The following HEATR5B variants were observed in gnomAD, a reference collection of about 807,000 sequenced individuals.
HEATR5B encodes HEAT repeat containing 5B.
A neutral mutation model predicts 224.1 loss-of-function variants in HEATR5B; 156 were observed. The observed-to-expected ratio is 0.70, with a 90% confidence interval of 0.61 to 0.80. The LOEUF (loss-of-function observed/expected upper bound fraction) is 0.80. Ranked by LOEUF, HEATR5B falls within the 30% of genes least tolerant of loss-of-function variation. HEATR5B has a pLI of 0.00. For missense variants in HEATR5B, 2,323 were observed against 2,535.5 expected (o/e 0.92, Z 1.80); for synonymous variants, 1,027 against 893.0 (o/e 1.15, Z -2.68).
intron 24 of HEATR5B, among the ~76,000 whole-genome samples, chr2:37,021,668 G>T (rs1361448202): frequency 6.6e-6 from 1 of 152,036 alleles, no homozygotes; most frequent in African/African-American, 2.4e-5. Flanking sequence ...TGGGTGGATA[G>T]CTTGAGCTCA....
At chr2:37,009,212 C>T (rs541638737) in intron 27 of HEATR5B, among the ~76,000 whole-genome samples, 6 of 139,368 alleles carry the variant, frequency 4.3e-5, no homozygotes, top group African/African-American at 1.1e-4. Context: ...GAGCCGAGAT[C>T]GCGCTGCTGC....
rs372334171 is a variant in HEATR5B at position 37,049,882 on chromosome 2, A to G, written c.2506-39T>C. ...AAAAAAAAAAAAAAGACAGCAATTC[A>G]TAATTCATTATTATTATTTTTTTTT... On this transcript the variant is annotated intron_variant, in intron 17 of 35. Transcript: ENST00000233099. 36 of 1,437,912 alleles carry G rather than the reference A, an allele frequency of 2.5e-5. No individual in the cohort carries two copies. In the African/African-American group the frequency reaches 4.3e-4, roughly 17 times the overall value. The allele number at this position is 1,437,912 out of a possible 1,614,324, so 89.1% of individuals were successfully genotyped here. A position where few individuals can be genotyped will look rare whatever the true frequency, so the allele number is the denominator to read the frequency against.
intron 21 of HEATR5B, among the ~76,000 whole-genome samples, chr2:37,033,881 G>A (rs1057016029): frequency 6.6e-6 from 1 of 152,100 alleles, no homozygotes; most frequent in Non-Finnish European, 1.5e-5. Context: ...ACAAATGTAA[G>A]CTATTATAAT....
chr2:37,013,988 G>C lies in HEATR5B; in HGVS notation c.4137C>G (p.Val1379=), dbSNP rs766317414. The change falls in exon 27 of 36, where the codon GTC becomes GTG. Residue 1379 remains valine (V), a synonymous_variant. Coordinates refer to ENST00000233099, the MANE Select transcript of HEATR5B (RefSeq NM_019024.3). ...CTCGACGGAGATCATTGAGATCACT[G>C]ACAACTCCACTTCCTATCCATGTAC... ...VCSTWIGSGV[V]SDLNDLRRVH... 1.6e-5 allele frequency: 26 copies of C among 1,605,958 alleles called. No homozygotes were observed. The South Asian group carries it at 2.7e-4, about 17-fold the overall frequency.
At chr2:37,017,514 G>A (rs529356197) in intron 26 of HEATR5B, among the ~76,000 whole-genome samples, 12 of 150,736 alleles carry the variant, frequency 8.0e-5, no homozygotes, top group African/African-American at 2.4e-4. Flanking sequence ...ATGCAACCCC[G>A]TCTCTACTAA....
Position 37,034,612 on chromosome 2 carries a change from C to CAAAAA in HEATR5B, c.3217-1844_3217-1840dup, listed in dbSNP as rs772823865. Among the ~76,000 whole-genome samples the CAAAAA allele has an allele frequency of 3.6e-4, 11 of 30,578 alleles. 1 individual carries two copies. The highest frequency in any genetic ancestry group is 1.3e-3 in the African/African-American group (11 of 8,150). The allele number at this position is 30,578 out of a possible 152,430, so 20.1% of individuals were successfully genotyped here. A position where few individuals can be genotyped will look rare whatever the true frequency, so the allele number is the denominator to read the frequency against. ...TGGGCGACACAGCGAGACTCTGTCTCAAAAAAAAAAAAAAAAAAAAAAAAA... is the reference window on the plus strand; with the variant it reads ...TGGGCGACACAGCGAGACTCTGTCTCAAAAAAAAAAAAAAAAAAAAAAAAAAAAAA... On this transcript the variant is annotated intron_variant, in intron 21 of 35. Transcript: ENST00000233099.
chr2:37,058,583 G>A (rs757401155), intron 13 of HEATR5B, 23 bp from the exon 14 acceptor site: 3 of 1,481,902 alleles, frequency 2.0e-6, no homozygotes, highest in Non-Finnish European at 2.8e-6. Flanking sequence ...AAACATAGTT[G>A]GTAATGGCTT....
intron 27 of HEATR5B, 84 bp downstream of exon 27, chr2:37,013,757 T>G: frequency 7.9e-7 from 1 of 1,262,252 alleles, no homozygotes; most frequent in Admixed American, 2.6e-5. Flanking sequence ...AAAACAAAAA[T>G]TTTTTTACCA....
chr2:36,982,317 G>C (rs1166888091), intron 35 of HEATR5B, among the ~76,000 whole-genome samples: 3 of 151,674 alleles, frequency 2.0e-5, no homozygotes, highest in Admixed American at 2.0e-4. Context: ...ATAAGCTTAG[G>C]GTTAAAAAAA....
At chr2:37,013,065 G>A (rs1667889724) in intron 27 of HEATR5B, among the ~76,000 whole-genome samples, 1 of 152,236 alleles carries the variant, frequency 6.6e-6, no homozygotes, top group Non-Finnish European at 1.5e-5. Context: ...TTTGTTGAAT[G>A]AATCAGAGGG....
At chr2:37,056,670 T>C (rs1670931287) in intron 15 of HEATR5B, 55 bp from the exon 16 acceptor site, 3 of 1,436,504 alleles carry the variant, frequency 2.1e-6, no homozygotes, top group African/African-American at 2.9e-5. Flanking sequence ...AATCTACTTA[T>C]TAAACATTGG....
At chr2:37,083,860 G>C (rs1466830416) in intron 1 of HEATR5B, among the ~76,000 whole-genome samples, 1 of 152,156 alleles carries the variant, frequency 6.6e-6, no homozygotes, top group Non-Finnish European at 1.5e-5. Context: ...CGCTGCACCT[G>C]GCCAGAGGGA....
chr2:37,036,987 T>C (rs1669520687), intron 21 of HEATR5B, among the ~76,000 whole-genome samples: 3 of 151,500 alleles, frequency 2.0e-5, no homozygotes, highest in Admixed American at 2.0e-4. Flanking sequence ...CACCCACAAA[T>C]GTATCTCCAG....
At chr2:37,059,458 A>AT in intron 12 of HEATR5B, among the ~76,000 whole-genome samples, 1 of 106,754 alleles carries the variant, frequency 9.4e-6, no homozygotes, top group Non-Finnish European at 1.8e-5. Flanking sequence ...ATATATATAT[A>AT]TATATATTTT....
intron 35 of HEATR5B, among the ~76,000 whole-genome samples, chr2:36,984,986 T>C (rs2148316513): frequency 6.6e-6 from 1 of 152,284 alleles, no homozygotes; most frequent in East Asian, 1.9e-4. Flanking sequence ...AGGAGTCAAA[T>C]ATAATTCTAA....
At chr2:37,025,854 T>C (rs1257594343) in intron 24 of HEATR5B, among the ~76,000 whole-genome samples, 1 of 152,234 alleles carries the variant, frequency 6.6e-6, no homozygotes, top group Non-Finnish European at 1.5e-5. Flanking sequence ...CTGATTCTTT[T>C]TATTTACTTA....
At chr2:37,023,272 A>G (rs1668575875) in intron 24 of HEATR5B, among the ~76,000 whole-genome samples, 1 of 152,218 alleles carries the variant, frequency 6.6e-6, no homozygotes, top group Admixed American at 6.5e-5. Context: ...ATTAAGCTCA[A>G]GGTCTATGAA....
intron 24 of HEATR5B, among the ~76,000 whole-genome samples, chr2:37,024,172 C>A (rs1217950949): frequency 6.6e-6 from 1 of 152,180 alleles, no homozygotes; most frequent in Non-Finnish European, 1.5e-5. Context: ...CACATGATCT[C>A]ACTCATAGGT....
intron 8 of HEATR5B, among the ~76,000 whole-genome samples, 187 bp downstream of exon 8, chr2:37,068,494 C>T (rs569357347): frequency 1.3e-5 from 2 of 152,176 alleles, no homozygotes; most frequent in South Asian, 4.1e-4. Context: ...ACATACCACC[C>T]AAATCTTTAA....
Sources: allele counts gnomAD v4.1 joint callset (sites outside exome capture counted in the v4.1 genomes callset), GRCh38; gene constraint gnomAD v4.1.1; transcripts MANE v1.5; gene names NCBI Gene and HGNC (gene_info 2026-07-23, HGNC 2026-07-21).